The following XXYLT1 variants were observed in gnomAD, a reference collection of about 807,000 sequenced individuals.
XXYLT1 encodes xyloside xylosyltransferase 1.
In XXYLT1, 20 loss-of-function variants were observed where a neutral mutation model predicts 28.9. That is an observed-to-expected ratio of 0.69 (90% confidence interval 0.49 to 1.00). The LOEUF is 1.00. Ranked by LOEUF, XXYLT1 falls within the 50% of genes least tolerant of loss-of-function variation. The pLI is 0.00. For missense variants in XXYLT1, 542 were observed against 560.1 expected, an observed-to-expected ratio of 0.97 and a Z score of 0.33; for synonymous variants, 257 against 253.8, an observed-to-expected ratio of 1.01 and a Z score of -0.12.
chr3:195,142,693 C>T (rs1291464127), intron 3 of XXYLT1, among the ~76,000 whole-genome samples: 1 of 152,252 alleles, frequency 6.6e-6, no homozygotes, highest in East Asian at 1.9e-4. Flanking sequence ...ATGGCACCGC[C>T]GAGCAGGCAG....
At chr3:195,250,749 AG>A (rs1005836199) in intron 1 of XXYLT1, among the ~76,000 whole-genome samples, 3 of 152,160 alleles carry the variant, frequency 2.0e-5, no homozygotes, top group African/African-American at 7.2e-5. Context: ...GCAGCAAACG[AG>A]ACATTTTAAC....
At chr3:195,140,617 G>A (rs1394739769) in intron 3 of XXYLT1, among the ~76,000 whole-genome samples, 1 of 152,118 alleles carries the variant, frequency 6.6e-6, no homozygotes, top group East Asian at 1.9e-4. Flanking sequence ...AAGCACATCT[G>A]CACATGGCAG....
rs1004431998 is a variant in XXYLT1, at chr3:195,256,782, C to G, written c.504+13773G>C. Among the ~76,000 whole-genome samples the G allele has an allele frequency of 8.5e-5, 13 of 152,322 alleles. No homozygotes were observed. In the East Asian group the frequency reaches 2.5e-3, roughly 29 times the overall value. The stretch of plus-strand genomic sequence containing the variant: ...ACCCAGAACTCAGGATCAATAACAT[C>G]TGGGCAGGACTCTGTCCACCACACT... On this transcript the variant is annotated intron_variant, in intron 1 of 3. Transcript: ENST00000310380. This position sits in a 1 kb window ranked among gnomAD's most constrained non-coding sequence, Gnocchi z 4.2.
At chr3:195,125,746 C>T (rs535962585) in intron 3 of XXYLT1, among the ~76,000 whole-genome samples, 1 of 152,354 alleles carries the variant, frequency 6.6e-6, no homozygotes, top group South Asian at 2.1e-4. Flanking sequence ...TGATCAAAAT[C>T]TGTGGCCAGG....
chr3:195,104,015 A>G (rs1397818123), intron 3 of XXYLT1, among the ~76,000 whole-genome samples: 1 of 152,194 alleles, frequency 6.6e-6, no homozygotes, highest in East Asian at 1.9e-4. Context: ...ATTTTCCTAT[A>G]ACAACTATTT....
At position 195,156,564 on chromosome 3, in the gene XXYLT1, G is replaced by C. The variant is rs1180394815; in HGVS notation, c.670C>G (p.Gln224Glu). 3 of 1,614,118 alleles carry C rather than the reference G, an allele frequency of 1.9e-6. No individual in the cohort carries two copies. The African/African-American group carries it at 4.0e-5, about 22-fold the overall frequency. Residue 224 changes from glutamine to glutamate, a missense_variant, in exon 3 of 4, where the codon CAG becomes GAG. Gln to Glu is a conservative substitution (Grantham distance 29, BLOSUM62 2). Coordinates refer to ENST00000310380, the MANE Select transcript of XXYLT1 (RefSeq NM_152531.5). ...IMPKEILQII[Q>E]LDLDLKFKTN... ...TTAAACTTCAGGTCTAGGTCCAGCTGAATGATCTGCAGGATCTCTGCGGGA... is the reference window on the plus strand; with the variant it reads ...TTAAACTTCAGGTCTAGGTCCAGCTCAATGATCTGCAGGATCTCTGCGGGA...
chr3:195,143,067 AATT>A (rs1442719514), intron 3 of XXYLT1, among the ~76,000 whole-genome samples: 1 of 152,204 alleles, frequency 6.6e-6, no homozygotes, highest in Non-Finnish European at 1.5e-5. Flanking sequence ...TCTGGACACG[AATT>A]ATGCTTGGCC....
At chr3:195,229,471 A>T (rs755063958) in intron 1 of XXYLT1, among the ~76,000 whole-genome samples, 1 of 152,220 alleles carries the variant, frequency 6.6e-6, no homozygotes, top group African/African-American at 2.4e-5. Flanking sequence ...GCTAGCAAAT[A>T]CTAGGTCTTA....
At chr3:195,239,427 C>A (rs1724688362) in intron 1 of XXYLT1, among the ~76,000 whole-genome samples, 1 of 152,122 alleles carries the variant, frequency 6.6e-6, no homozygotes. Flanking sequence ...CCTTTCAAGT[C>A]CCCCACCTCG....
chr3:195,102,449 C>T (rs999427285), intron 3 of XXYLT1, among the ~76,000 whole-genome samples: 8 of 152,140 alleles, frequency 5.3e-5, no homozygotes, highest in African/African-American at 1.2e-4. Context: ...TCACCCTCGC[C>T]GTGGCCACGG....
intron 1 of XXYLT1, among the ~76,000 whole-genome samples, chr3:195,250,285 G>A (rs1353637492): frequency 2.6e-5 from 4 of 152,158 alleles, no homozygotes; most frequent in Non-Finnish European, 5.9e-5. Context: ...GCAACTGGCC[G>A]GGCGTGTTGG....
Position 195,240,988 on chromosome 3 carries a change from C to T in XXYLT1, c.505-14132G>A, listed in dbSNP as rs1196489140. Among the ~76,000 whole-genome samples, 1 of 152,226 alleles carries T rather than the reference C, an allele frequency of 6.6e-6. No homozygotes were observed. The highest frequency in any genetic ancestry group is 1.5e-5 in the Non-Finnish European group (1 of 68,048). Reference sequence around the variant, plus strand: ...TAGGTAGATCAAACACAATTCTGAACGGAAGAGGTCTTAATGTATCAGAAA... The same window carrying T: ...TAGGTAGATCAAACACAATTCTGAATGGAAGAGGTCTTAATGTATCAGAAA... On this transcript the variant is annotated intron_variant, in intron 1 of 3. Transcript: ENST00000310380. The surrounding 1 kb of genome is among the most constrained non-coding windows in gnomAD (Gnocchi z 4.7).
At chr3:195,070,216 T>G in intron 3 of XXYLT1, 105 bp from the exon 4 acceptor site, 2 of 1,412,100 alleles carry the variant, frequency 1.4e-6, no homozygotes, top group East Asian at 2.4e-5. Context: ...ACTGCCACAT[T>G]CCGGGGTGCA....
At chr3:195,260,828 G>A (rs1047417370) in intron 1 of XXYLT1, among the ~76,000 whole-genome samples, 3 of 152,218 alleles carry the variant, frequency 2.0e-5, no homozygotes, top group African/African-American at 7.2e-5. Flanking sequence ...CCGATGTTTG[G>A]CGAACCTGCA....
At chr3:195,216,447 C>A (rs1200011728) in intron 2 of XXYLT1, among the ~76,000 whole-genome samples, 1 of 149,950 alleles carries the variant, frequency 6.7e-6, no homozygotes, top group African/African-American at 2.5e-5. Flanking sequence ...AGAGAAGAAT[C>A]AAATAGACGC....
intron 3 of XXYLT1, among the ~76,000 whole-genome samples, chr3:195,109,667 GGT>G (rs566040303): frequency 1.6e-4 from 21 of 128,746 alleles, no homozygotes; most frequent in African/African-American, 3.9e-4. Flanking sequence ...GCGTGTGTGT[GGT>G]GTGTGTGTTG....
chr3:195,113,362 A>G (rs2108706012), intron 3 of XXYLT1, among the ~76,000 whole-genome samples: 1 of 152,280 alleles, frequency 6.6e-6, no homozygotes, highest in East Asian at 1.9e-4. Context: ...ACTAACGTAT[A>G]TTAACACTTA....
intron 3 of XXYLT1, among the ~76,000 whole-genome samples, chr3:195,071,364 C>T (rs1195143743): frequency 1.3e-5 from 2 of 152,208 alleles, no homozygotes; most frequent in Non-Finnish European, 2.9e-5. Flanking sequence ...GGAATAAAAC[C>T]GGAGACCCTG....
In XXYLT1 at chr3:195,195,945, G is replaced by A. The variant is rs564880148; in HGVS notation, c.652+30764C>T. Among the ~76,000 whole-genome samples the A allele has an allele frequency of 1.3e-5, 2 of 152,242 alleles. No individual in the cohort carries two copies. The highest frequency in any genetic ancestry group is 6.5e-5 in the Admixed American group (1 of 15,296). Reference sequence around the variant, plus strand: ...CTCACTGCCTCAGTCTCCCTGCCTGGCACTGCCATTCCCTCCAGGCTAGCC... The same window carrying A: ...CTCACTGCCTCAGTCTCCCTGCCTGACACTGCCATTCCCTCCAGGCTAGCC... On this transcript the variant is annotated intron_variant, in intron 2 of 3. Transcript: ENST00000310380. This position sits in a 1 kb window ranked among gnomAD's most constrained non-coding sequence, Gnocchi z 4.4.
Sources: gnomAD v4.1 joint callset for allele counts (sites outside exome capture counted in the v4.1 genomes callset) on GRCh38, gnomAD v4.1.1 for gene constraint, Gnocchi (gnomAD v3.1) non-coding constraint, MANE v1.5 for transcripts, NCBI Gene and HGNC (gene_info 2026-07-23, HGNC 2026-07-21) for gene names.